CTNNA2: variants seen among roughly 807,000 people sequenced by gnomAD.
CTNNA2 encodes catenin alpha 2.
In CTNNA2, 42 loss-of-function variants were observed where a neutral mutation model predicts 101.0. The ratio of observed to expected loss-of-function variants is 0.42; its 90% CI spans 0.32 to 0.54. CTNNA2 has a LOEUF of 0.54. CTNNA2 is among the 20% of genes least tolerant of loss of function. The pLI, the probability that CTNNA2 is intolerant of heterozygous loss-of-function variation, is 0.14. For missense variants in CTNNA2, 871 were observed against 1,223.1 expected (o/e 0.71, Z 4.29); for synonymous variants, 450 against 456.4 (o/e 0.99, Z 0.18).
At chr2:80,631,323 T>G (rs759954346) in intron 18 of CTNNA2, among the ~76,000 whole-genome samples, 1 of 152,000 alleles carries the variant, frequency 6.6e-6, no homozygotes, top group Non-Finnish European at 1.5e-5. Context: ...AGTTTTCCAA[T>G]TGCATGAACT....
At chr2:80,508,938 C>T (rs185635520) in intron 9 of CTNNA2, among the ~76,000 whole-genome samples, 11 of 152,120 alleles carry the variant, frequency 7.2e-5, no homozygotes, top group African/African-American at 2.7e-4. Context: ...TCTTCTTTTT[C>T]GTTTATTTGA....
intron 2 of CTNNA2, among the ~76,000 whole-genome samples, chr2:79,671,429 T>C (rs1036881880): frequency 6.6e-6 from 1 of 152,136 alleles, no homozygotes; most frequent in Admixed American, 6.5e-5. Flanking sequence ...TTGAAAAATG[T>C]GTAAAAAGAT....
At chr2:80,154,315 G>A (rs748394217) in intron 7 of CTNNA2, among the ~76,000 whole-genome samples, 12 of 152,178 alleles carry the variant, frequency 7.9e-5, no homozygotes, top group South Asian at 4.2e-4. Flanking sequence ...TGAATCGCCC[G>A]TTGGTTTAAT....
intron 4 of CTNNA2, among the ~76,000 whole-genome samples, chr2:79,463,163 C>A (rs1256266581): frequency 6.6e-6 from 1 of 152,036 alleles, no homozygotes; most frequent in Admixed American, 6.6e-5. Flanking sequence ...TGTAATCCCA[C>A]CATTTTGGGA....
intron 9 of CTNNA2, among the ~76,000 whole-genome samples, chr2:80,458,294 G>T (rs573576277): frequency 6.6e-6 from 1 of 152,076 alleles, no homozygotes; most frequent in Admixed American, 6.5e-5. Flanking sequence ...GTATTTTGTA[G>T]TTAATATGAC....
intron 15 of CTNNA2, among the ~76,000 whole-genome samples, chr2:80,591,718 G>A (rs1245438194): frequency 1.3e-5 from 2 of 152,036 alleles, no homozygotes; most frequent in African/African-American, 4.8e-5. Flanking sequence ...TAAAGGGCAT[G>A]TGGGTACACA....
At chr2:80,274,002 G>T (rs146472578) in intron 7 of CTNNA2, among the ~76,000 whole-genome samples, 75 of 152,260 alleles carry the variant, frequency 4.9e-4, no homozygotes, top group Non-Finnish European at 9.0e-4. Flanking sequence ...CTGGCACATG[G>T]AAAGTGCTCC....
chr2:79,286,820 A>C (rs1281040760), intron 2 of CTNNA2, among the ~76,000 whole-genome samples: 1 of 152,078 alleles, frequency 6.6e-6, no homozygotes, highest in African/African-American at 2.4e-5. Flanking sequence ...AGATTGGGGA[A>C]GTTCTCCTGG....
chr2:80,588,956 C>A (rs540411643), intron 14 of CTNNA2, among the ~76,000 whole-genome samples: 12 of 152,240 alleles, frequency 7.9e-5, no homozygotes, highest in African/African-American at 2.9e-4. Context: ...TGCATTCTTT[C>A]ATCTGGTAAA....
chr2:79,304,895 T>G (rs193122512), intron 2 of CTNNA2, among the ~76,000 whole-genome samples: 111 of 152,298 alleles, frequency 7.3e-4, no homozygotes, highest in Admixed American at 2.6e-3. Flanking sequence ...TGGGTTTTAT[T>G]GAATACCAAC....
chr2:80,378,578 G>C (rs1676207395), intron 7 of CTNNA2: 1 of 152,016 alleles, frequency 6.6e-6, no homozygotes, highest in South Asian at 2.1e-4. Context: ...CAGTTTAGGA[G>C]TTATTGTCAA....
intron 9 of CTNNA2, among the ~76,000 whole-genome samples, chr2:80,538,832 C>T (rs1006869213): frequency 3.6e-4 from 55 of 152,288 alleles, no homozygotes; most frequent in Admixed American, 1.0e-3. Context: ...GCAATTTTCA[C>T]GATACTGATT....
At chr2:80,520,883 T>A (rs1689486971) in intron 9 of CTNNA2, among the ~76,000 whole-genome samples, 1 of 152,146 alleles carries the variant, frequency 6.6e-6, no homozygotes, top group Non-Finnish European at 1.5e-5. Flanking sequence ...AGAGTGGTAT[T>A]TTCTGTGAGT....
At chr2:80,050,008 C>T (rs780845804) in intron 7 of CTNNA2, among the ~76,000 whole-genome samples, 30 of 152,038 alleles carry the variant, frequency 2.0e-4, no homozygotes, top group Non-Finnish European at 3.4e-4. Context: ...TCTCTCCTGC[C>T]GTGCCCTCTC....
intron 1 of CTNNA2, among the ~76,000 whole-genome samples, chr2:79,556,452 A>G (rs377189770): frequency 6.6e-6 from 1 of 152,056 alleles, no homozygotes; most frequent in Non-Finnish European, 1.5e-5. Context: ...GAAAAGAGGA[A>G]GATGTAGCTG....
chr2:79,934,824 G>A (rs1488547988), intron 7 of CTNNA2, among the ~76,000 whole-genome samples: 2 of 152,238 alleles, frequency 1.3e-5, no homozygotes, highest in African/African-American at 4.8e-5. Flanking sequence ...TGTTACAAAT[G>A]TAGGTAGCAT....
At chr2:80,140,712 T>A (rs1254035318) in intron 7 of CTNNA2, among the ~76,000 whole-genome samples, 1 of 152,174 alleles carries the variant, frequency 6.6e-6, no homozygotes. Flanking sequence ...TCCACCTCCC[T>A]TTTAACAGGG....
intron 7 of CTNNA2, among the ~76,000 whole-genome samples, chr2:80,180,693 G>T (rs780825691): frequency 1.3e-5 from 2 of 152,118 alleles, no homozygotes; most frequent in Non-Finnish European, 2.9e-5. Flanking sequence ...GCAAAGTATT[G>T]TTAAAGGGTA....
chr2:79,675,877 C>T (rs1350535601), intron 2 of CTNNA2, among the ~76,000 whole-genome samples: 1 of 152,186 alleles, frequency 6.6e-6, no homozygotes, highest in Admixed American at 6.5e-5. Context: ...ATTTTAAGCC[C>T]TTATTCCTTT....
Sources: allele counts gnomAD v4.1 joint callset (sites outside exome capture counted in the v4.1 genomes callset), GRCh38; gene constraint gnomAD v4.1.1; transcripts MANE v1.5; gene names NCBI Gene and HGNC (gene_info 2026-07-23, HGNC 2026-07-21).